CHDH: variants seen among roughly 807,000 people sequenced by gnomAD.
CHDH encodes choline dehydrogenase, mitochondrial.
A neutral mutation model predicts 56.9 loss-of-function variants in CHDH; 43 were observed. The observed-to-expected ratio is 0.76, with a 90% CI of 0.59 to 0.97. The LOEUF is 0.97. CHDH is among the 50% of genes least tolerant of loss of function. The pLI, the probability that CHDH is intolerant of heterozygous loss-of-function variation, is 0.00. For synonymous variants in CHDH, 364 were observed against 348.5 expected, an observed-to-expected ratio of 1.04 and a Z score of -0.50; for missense variants, 816 against 821.1, an observed-to-expected ratio of 0.99 and a Z score of 0.08.
At chr3:53,820,683 G>A in intron 5 of CHDH, 75 bp from the exon 6 acceptor site, 4 of 1,539,664 alleles carry the variant, frequency 2.6e-6, no homozygotes, top group Non-Finnish European at 3.5e-6. Context: ...CCCCGGTTTT[G>A]AAAAATTCTT....
In CHDH at chr3:53,819,148, G is replaced by C; in HGVS notation, c.1264-108C>G. The C allele has an allele frequency of 1.4e-6, 1 of 733,632 alleles. No individual in the cohort carries two copies. Among genetic ancestry groups the C allele is most frequent in the Non-Finnish European group, 2.3e-6 (1 of 433,182 alleles). 45.4% of individuals were successfully genotyped at this position (733,632 alleles called of 1,614,324 possible). ...TGGGCCTCTGCTTCCAGAATCAGTG[G>C]GGAACAGATGCATGTTAGCATTTGC... On this transcript the variant is annotated intron_variant, in intron 7 of 8. Coordinates refer to ENST00000315251, the MANE Select transcript of CHDH (RefSeq NM_018397.5). This position sits in a 1 kb window ranked among gnomAD's most constrained non-coding sequence, Gnocchi z 5.4.
chr3:53,820,420 A>G, intron 6 of CHDH, 54 bp downstream of exon 6: 1 of 1,556,582 alleles, frequency 6.4e-7, no homozygotes, highest in Non-Finnish European at 8.7e-7. Context: ...CTCAGGAAGG[A>G]GGTCTCAATG....
intron 1 of CHDH, among the ~76,000 whole-genome samples, chr3:53,842,948 A>C (rs946283433): frequency 1.4e-4 from 21 of 152,114 alleles, no homozygotes; most frequent in African/African-American, 5.1e-4. Flanking sequence ...GAAACGGCTC[A>C]CTCTTCACGA....
rs557197311 is a variant in CHDH, at chr3:53,823,950, CCCAGGGCTCCCCGTG to C, written c.44_58del (p.Ala15_Leu19del). 2.4e-3 allele frequency: 3,596 copies of C among 1,527,566 alleles called. 13 individuals are homozygous for C. Among genetic ancestry groups the C allele is most frequent in the Non-Finnish European group, 2.7e-3 (3,050 of 1,146,286 alleles). 94.6% of individuals were successfully genotyped at this position (1,527,566 alleles called of 1,614,324 possible). On this transcript the variant is annotated inframe_deletion, in exon 3 of 9. Transcript: ENST00000315251. ...CCGGGCACCCAGGGATTGCTGCTGC[CCCAGGGCTCCCCGTG>C]CCAGGGCTCCAGGCCGGCCCAGGCC...
rs1405469469 is a variant in CHDH, at chr3:53,823,968, A to C, written c.41T>G (p.Leu14Arg). The change falls in exon 3 of 9, where the codon CTG becomes CGG. Residue 14 changes from leucine (L) to arginine (R), a missense_variant. Physicochemically the swap from Leu to Arg is moderately radical, Grantham distance 102. Transcript: ENST00000315251. ...LLRGLGRPGA[L>R]ARGALGQQQS... The stretch of plus-strand genomic sequence containing the variant: ...CTGCTGCCCCAGGGCTCCCCGTGCC[A>C]GGGCTCCAGGCCGGCCCAGGCCTCG... The C allele has an allele frequency of 6.6e-7, 1 of 1,516,952 alleles. No individual in the cohort carries two copies. Among genetic ancestry groups the C allele is most frequent in the Admixed American group, 2.2e-5 (1 of 45,202 alleles). 94.0% of individuals were successfully genotyped at this position (1,516,952 alleles called of 1,614,324 possible). A position where few individuals can be genotyped will look rare whatever the true frequency, so the allele number is the denominator to read the frequency against.
chr3:53,835,150 GC>G (rs1698457457), intron 2 of CHDH, among the ~76,000 whole-genome samples: 1 of 152,130 alleles, frequency 6.6e-6, no homozygotes, highest in South Asian at 2.1e-4. Flanking sequence ...AAGCACAAGG[GC>G]CCTGTCCCTG....
intron 2 of CHDH, among the ~76,000 whole-genome samples, chr3:53,826,587 G>A (rs563117146): frequency 2.0e-5 from 3 of 152,246 alleles, no homozygotes; most frequent in African/African-American, 4.8e-5. Context: ...AGTAAACCAA[G>A]AGTAGAAGGA....
chr3:53,843,701 C>T (rs1041855218), intron 1 of CHDH, among the ~76,000 whole-genome samples: 1 of 152,132 alleles, frequency 6.6e-6, no homozygotes, highest in African/African-American at 2.4e-5. Context: ...GACAGGAAGG[C>T]ACACTGGCTG....
Position 53,817,767 on chromosome 3 carries a change from A to G in CHDH, c.*10T>C, listed in dbSNP as rs2095618324. The G allele has an allele frequency of 6.3e-7, 1 of 1,576,510 alleles. No individual in the cohort carries two copies. The highest frequency in any genetic ancestry group is 1.4e-5 in the African/African-American group (1 of 74,048). Reference sequence around the variant, plus strand: ...GGGGCTTCCCTGGTCATCCTCCAGCAGCAACTGTCTTAGCGCTGGGTGGCC... The same window carrying G: ...GGGGCTTCCCTGGTCATCCTCCAGCGGCAACTGTCTTAGCGCTGGGTGGCC... On this transcript the variant is annotated 3_prime_UTR_variant, in exon 9 of 9. Coordinates refer to ENST00000315251, the MANE Select transcript of CHDH (RefSeq NM_018397.5).
rs528364500 is a variant in CHDH at position 53,812,817 on chromosome 3, T to C, written c.*4960A>G. ...AGGAGCAACGTGGTGATCTATAGGA[T>C]TGGAGTGTCGGGGTCTGTACAAATC... On this transcript the variant is annotated 3_prime_UTR_variant, in exon 9 of 9. Transcript: ENST00000315251. The C allele has an allele frequency of 3.3e-5, 5 of 152,390 alleles. No homozygotes were observed. The South Asian group carries it at 6.2e-4, about 19-fold the overall frequency. 9.4% of individuals were successfully genotyped at this position (152,390 alleles called of 1,614,324 possible).
chr3:53,840,318 G>A (rs775243964), intron 2 of CHDH, among the ~76,000 whole-genome samples: 7 of 152,158 alleles, frequency 4.6e-5, no homozygotes, highest in Non-Finnish European at 8.8e-5. Flanking sequence ...CTTGAGGCCA[G>A]GAGTTCAAGA....
chr3:53,821,363 G>A (rs937297194), intron 5 of CHDH, among the ~76,000 whole-genome samples: 5 of 152,074 alleles, frequency 3.3e-5, no homozygotes, highest in African/African-American at 7.2e-5. Flanking sequence ...GCCCATGCCC[G>A]ACCCAGTGGG....
chr3:53,839,399 G>A (rs1698604939), intron 2 of CHDH, among the ~76,000 whole-genome samples: 1 of 152,246 alleles, frequency 6.6e-6, no homozygotes. Flanking sequence ...ATAAATGAGA[G>A]AGAGATGAGA....
intron 2 of CHDH, among the ~76,000 whole-genome samples, chr3:53,830,747 G>A (rs975007960): frequency 2.0e-5 from 3 of 152,238 alleles, no homozygotes; most frequent in African/African-American, 7.2e-5. Context: ...CATATGTTAG[G>A]CAACAAAACA....
At chr3:53,842,062 G>A (rs577287302) in intron 1 of CHDH, among the ~76,000 whole-genome samples, 2 of 151,768 alleles carry the variant, frequency 1.3e-5, no homozygotes, top group South Asian at 4.2e-4. Flanking sequence ...AGGGTTGCTT[G>A]AGCCCAGTGA....
chr3:53,822,573 G>A lies in CHDH; in HGVS notation c.773C>T (p.Ala258Val). 1 of 1,613,162 alleles carries A rather than the reference G, an allele frequency of 6.2e-7. No individual in the cohort carries two copies. Among genetic ancestry groups the A allele is most frequent in the South Asian group, 1.1e-5 (1 of 91,090 alleles). ...TAGCACCCTGCTCACAAGCGTCTCG[G>A]CCTCGGCCTTGAGGTTGGTGCGGCT... ...ALSRTNLKAE[A>V]ETLVSRVLFE... The change falls in exon 4 of 9, where the codon GCC becomes GTC. Residue 258 changes from alanine to valine, a missense_variant. By Grantham distance (64) the Ala-to-Val change is moderately conservative (BLOSUM62 0). Transcript: ENST00000315251.
At position 53,812,710 on chromosome 3, in the gene CHDH, T is replaced by C. The variant is rs1164095115; in HGVS notation, c.*5067A>G. On this transcript the variant is annotated 3_prime_UTR_variant, in exon 9 of 9. Transcript: ENST00000315251. ...GTTTTTTGCATCGCTGGTGCAGAAA[T>C]GCATAGGTGGATGAGATATAGCTGC... The C allele has an allele frequency of 6.6e-6, 1 of 152,222 alleles. No individual in the cohort carries two copies. The highest frequency in any genetic ancestry group is 1.5e-5 in the Non-Finnish European group (1 of 68,054). The allele number at this position is 152,222 out of a possible 1,614,324, so 9.4% of individuals were successfully genotyped here.
intron 1 of CHDH, 68 bp from the exon 2 acceptor site, chr3:53,841,067 A>T (rs1698656941): frequency 6.6e-6 from 1 of 152,246 alleles, no homozygotes; most frequent in Non-Finnish European, 1.5e-5. Context: ...CATTTGACAC[A>T]GCAACCTATG....
At chr3:53,843,166 C>A (rs907496361) in intron 1 of CHDH, among the ~76,000 whole-genome samples, 1 of 148,836 alleles carries the variant, frequency 6.7e-6, no homozygotes, top group Non-Finnish European at 1.5e-5. Flanking sequence ...ACTCTTGGGT[C>A]CTAGGGAATT....
Sources: gnomAD v4.1 joint callset for allele counts (sites outside exome capture counted in the v4.1 genomes callset) on GRCh38, gnomAD v4.1.1 for gene constraint, Gnocchi (gnomAD v3.1) non-coding constraint, MANE v1.5 for transcripts, NCBI Gene and HGNC (gene_info 2026-07-23, HGNC 2026-07-21) for gene names.